The following EEF1A2 variants were observed in gnomAD, a reference collection of about 807,000 sequenced individuals.
EEF1A2 encodes the protein elongation factor 1-alpha 2.
In EEF1A2, 5 loss-of-function variants were observed where a neutral mutation model predicts 39.3. The ratio of observed to expected loss-of-function variants is 0.13; its 90% CI spans 0.07 to 0.27. The LOEUF (loss-of-function observed/expected upper bound fraction) is 0.27. Among genes scored for constraint, EEF1A2 ranks in the 10% least tolerant of loss-of-function variants. EEF1A2 has a pLI of 1.00. For synonymous variants in EEF1A2, 287 were observed against 293.7 expected (o/e 0.98, Z 0.23); for missense variants, 218 against 681.4 (o/e 0.32, Z 7.57).
intron 4 of EEF1A2, among the ~76,000 whole-genome samples, chr20:63,493,914 G>T (rs888871299): frequency 6.6e-6 from 1 of 152,258 alleles, no homozygotes; most frequent in Non-Finnish European, 1.5e-5. Flanking sequence ...GGGGAGTGCA[G>T]GGTCCCTGAT....
intron 4 of EEF1A2, among the ~76,000 whole-genome samples, chr20:63,494,396 G>A (rs557658828): frequency 1.1e-3 from 169 of 152,338 alleles, no homozygotes; most frequent in African/African-American, 4.0e-3. Flanking sequence ...CCCAGGGGAG[G>A]CAGCCAAGGA....
At chr20:63,490,301 G>A (rs918026662) in intron 6 of EEF1A2, 178 bp downstream of exon 6, 15 of 735,246 alleles carry the variant, frequency 2.0e-5, no homozygotes, top group Middle Eastern at 2.6e-4. Flanking sequence ...TCTTGACCTC[G>A]TGATCTGCCC....
chr20:63,495,795 C>T, intron 3 of EEF1A2, 61 bp downstream of exon 3: 1 of 1,580,768 alleles, frequency 6.3e-7, no homozygotes, highest in African/African-American at 1.3e-5. Flanking sequence ...CAGGGGCCCC[C>T]AGTGTCCCTT....
chr20:63,494,946 C>T lies in EEF1A2; in HGVS notation c.480G>A (p.Pro160=), dbSNP rs2274860. ...VGVNKMDSTE[P]AYSEKRYDEI... is the part of the protein sequence containing the mutation. ...CGTCGTAGCGCTTCTCGCTGTAGGC[C>T]GGCTCTGTGGAGTCCATTTTGTTCA... is the stretch of plus-strand genomic sequence containing the variant. Residue 160 remains proline (P), a synonymous_variant, in exon 4 of 8, where the codon CCG becomes CCA. Coordinates refer to ENST00000217182, the MANE Select transcript of EEF1A2 (RefSeq NM_001958.5). The T allele has an allele frequency of 0.13, 209,230 of 1,612,748 alleles. 17,013 individuals carry two copies. The highest frequency in any genetic ancestry group is 0.44 in the East Asian group (19,576 of 44,860).
In EEF1A2 at chr20:63,498,891, CCCCGGGCCCAG is replaced by C. The variant is rs1457831244; in HGVS notation, c.-72+156_-72+166del. On this transcript the variant is annotated intron_variant, in intron 1 of 7. Coordinates refer to ENST00000217182, the MANE Select transcript of EEF1A2 (RefSeq NM_001958.5). The surrounding 1 kb of genome is among the most constrained non-coding windows in gnomAD (Gnocchi z 4.1). ...CCCCGCCGCCCCGCGCCGCCCCCCA[CCCCGGGCCCAG>C]CCCGGCCGACGCGGGGACCCCCGGA... The C allele has an allele frequency of 6.7e-6, 1 of 149,944 alleles. No individual in the cohort carries two copies. Among genetic ancestry groups the C allele is most frequent in the Admixed American group, 6.6e-5 (1 of 15,080 alleles). 9.3% of individuals were successfully genotyped at this position (149,944 alleles called of 1,614,324 possible).
chr20:63,493,438 C>G (rs944675026), intron 4 of EEF1A2, 151 bp from the exon 5 acceptor site: 3 of 882,376 alleles, frequency 3.4e-6, no homozygotes, highest in African/African-American at 3.5e-5. Flanking sequence ...CTGCTCCTCC[C>G]CAGCCCATAG....
rs561671132 is a variant in EEF1A2, at chr20:63,490,691, G to A, written c.817C>T (p.Arg273Trp). 4 of 1,608,380 alleles carry A rather than the reference G, an allele frequency of 2.5e-6. No individual in the cohort carries two copies. The highest frequency in any genetic ancestry group is 2.2e-5 in the South Asian group (2 of 91,060). Reference sequence around the variant, plus strand: ...GCAAAGGTCACCACCATGCCCGGCCGCAGGATGCCGGTCTCCACCCGGCCC... The same window carrying A: ...GCAAAGGTCACCACCATGCCCGGCCACAGGATGCCGGTCTCCACCCGGCCC... ...PVGRVETGIL[R>W]PGMVVTFAPV... Residue 273 changes from arginine to tryptophan, a missense_variant, in exon 6 of 8, where the codon CGG becomes TGG. Physicochemically the swap from Arg to Trp is moderately radical, Grantham distance 101 (BLOSUM62 -3). Transcript: ENST00000217182.
At chr20:63,492,210 ATAAATG>A (rs2082387068) in intron 5 of EEF1A2, among the ~76,000 whole-genome samples, 2 of 1,662 alleles carry the variant, frequency 1.2e-3, no homozygotes, top group African/African-American at 2.6e-3. Context: ...GGATGGATGG[ATAAATG>A]GATGGATGGA....
At chr20:63,489,714 C>G (rs368839442) in intron 6 of EEF1A2, among the ~76,000 whole-genome samples, 1 of 151,842 alleles carries the variant, frequency 6.6e-6, no homozygotes, top group African/African-American at 2.4e-5. Context: ...ACCCGGGAGG[C>G]GGAGGTTGCA....
Position 63,488,307 on chromosome 20 carries a change from C to G in EEF1A2, c.1383G>C (p.Ala461=). ...VTKSAQKAQK[A]GK is the part of the protein sequence containing the mutation. Reference sequence around the variant, plus strand: ...CGCGGGCGCCCGCGCTTCACTTGCCCGCCTTCTGCGCCTTCTGCGCCGACT... The same window carrying G: ...CGCGGGCGCCCGCGCTTCACTTGCCGGCCTTCTGCGCCTTCTGCGCCGACT... The change falls in exon 8 of 8, where the codon GCG becomes GCC. Residue 461 remains alanine, a synonymous_variant. Transcript: ENST00000217182. The G allele has an allele frequency of 5.0e-6, 7 of 1,389,448 alleles. No individual in the cohort carries two copies. Among genetic ancestry groups the G allele is most frequent in the African/African-American group, 1.5e-5 (1 of 66,464 alleles). The allele number at this position is 1,389,448 out of a possible 1,614,324, so 86.1% of individuals were successfully genotyped here.
rs1469440292 is a variant in EEF1A2 at position 63,489,070 on chromosome 20, T to C, written c.1112A>G (p.Lys371Arg). ...IDCHTAHIAC[K>R]FAELKEKIDR... ...AATCTTCTCCTTCAGCTCCGCAAAC[T>C]TGCAGGCGATGTGGGCTGTGTGGCA... is the stretch of plus-strand genomic sequence containing the variant. The change falls in exon 7 of 8, where the codon AAG becomes AGG. Residue 371 changes from lysine (K) to arginine (R), a missense_variant. Lys to Arg is a conservative substitution (Grantham distance 26). Transcript: ENST00000217182. 1 of 1,612,786 alleles carries C rather than the reference T, an allele frequency of 6.2e-7. No homozygotes were observed. Among genetic ancestry groups the C allele is most frequent in the Admixed American group, 1.7e-5 (1 of 60,022 alleles).
At chr20:63,491,802 A>G (rs1047366359) in intron 5 of EEF1A2, among the ~76,000 whole-genome samples, 1 of 144,794 alleles carries the variant, frequency 6.9e-6, no homozygotes, top group Non-Finnish European at 1.5e-5. Context: ...GAGGAGGTAG[A>G]TGAGTGGATG....
rs310619 is a variant in EEF1A2 at position 63,496,168 on chromosome 20, G to A, written c.145-133C>T. On this transcript the variant is annotated intron_variant, in intron 2 of 7. Transcript: ENST00000217182. Reference sequence around the variant, plus strand: ...CTCCAGCACCCCCTTGCTCTCCGTCGGGGTCCTGGGACGCCGGCCCCCTCC... The same window carrying A: ...CTCCAGCACCCCCTTGCTCTCCGTCAGGGTCCTGGGACGCCGGCCCCCTCC... 0.39 allele frequency: 445,489 copies of A among 1,140,790 alleles called. 93,971 individuals are homozygous for A. Among genetic ancestry groups the A allele is most frequent in the African/African-American group, 0.7 (45,662 of 64,788 alleles). 70.7% of individuals were successfully genotyped at this position (1,140,790 alleles called of 1,614,324 possible). A position where few individuals can be genotyped will look rare whatever the true frequency, so the allele number is the denominator to read the frequency against.
In EEF1A2 at chr20:63,488,252, G is replaced by A; in HGVS notation, c.*46C>T. 4 of 990,150 alleles carry A rather than the reference G, an allele frequency of 4.0e-6. No individual in the cohort carries two copies. The highest frequency in any genetic ancestry group is 4.8e-6 in the Non-Finnish European group (4 of 834,790). The allele number at this position is 990,150 out of a possible 1,614,324, so 61.3% of individuals were successfully genotyped here. ...GGGCGGGGGCCCGGGCCCGGGGTTCGGAGCGCGGCACCGCCGGGGAGGGTC... is the reference window on the plus strand; with the variant it reads ...GGGCGGGGGCCCGGGCCCGGGGTTCAGAGCGCGGCACCGCCGGGGAGGGTC... On this transcript the variant is annotated 3_prime_UTR_variant, in exon 8 of 8. Transcript: ENST00000217182.
In EEF1A2 at chr20:63,497,413, C is replaced by T. The variant is rs889696261; in HGVS notation, c.144+207G>A. On this transcript the variant is annotated intron_variant, in intron 2 of 7. Coordinates refer to ENST00000217182, the MANE Select transcript of EEF1A2 (RefSeq NM_001958.5). The surrounding 1 kb of genome is among the most constrained non-coding windows in gnomAD (Gnocchi z 7.3). ...CAGGGCAAGTCCGGCAGCTCGATGG[C>T]CACCCCTCCCCCACCAAGCTCCCCC... 4.9e-5 allele frequency: 34 copies of T among 696,828 alleles called. No individual in the cohort carries two copies. Among genetic ancestry groups the T allele is most frequent in the Non-Finnish European group, 6.9e-5 (32 of 462,968 alleles). 43.2% of individuals were successfully genotyped at this position (696,828 alleles called of 1,614,324 possible). A position where few individuals can be genotyped will look rare whatever the true frequency, so the allele number is the denominator to read the frequency against.
rs369022379 is a variant in EEF1A2, at chr20:63,496,051, G to A, written c.145-16C>T. 175 of 1,611,956 alleles carry A rather than the reference G, an allele frequency of 1.1e-4. No homozygotes were observed. The highest frequency in any genetic ancestry group is 1.7e-4 in the Middle Eastern group (1 of 6,058). On this transcript the variant is annotated splice_polypyrimidine_tract_variant and intron_variant, in intron 2 of 7. Coordinates refer to ENST00000217182, the MANE Select transcript of EEF1A2 (RefSeq NM_001958.5). ...CCTTCCCCATCTGGAGCGGGTGAGG[G>A]TCACGGCTGAGGGCGGGACCCGGGA...
intron 4 of EEF1A2, 83 bp from the exon 5 acceptor site, chr20:63,493,370 G>A: frequency 7.0e-7 from 1 of 1,424,048 alleles, no homozygotes. Flanking sequence ...GCTTCCAGGA[G>A]TACTGCTGTT....
chr20:63,489,862 G>A (rs1200400835), intron 6 of EEF1A2, among the ~76,000 whole-genome samples: 1 of 152,228 alleles, frequency 6.6e-6, no homozygotes, highest in African/African-American at 2.4e-5. Context: ...GTATGACAGA[G>A]ATGTCTCAGA....
chr20:63,492,523 TGGATGGATGGAA>T lies in EEF1A2; in HGVS notation c.772+602_772+613del, dbSNP rs1213085603. Among the ~76,000 whole-genome samples the T allele has an allele frequency of 2.9e-4, 44 of 151,692 alleles. No homozygotes were observed. The East Asian group carries it at 4.7e-3, about 16-fold the overall frequency. ...AAGGATGGATGGGTGGGGAGGTGGA[TGGATGGATGGAA>T]GGATGGATGGATGGATAGAGAGAAG... On this transcript the variant is annotated intron_variant, in intron 5 of 7. Transcript: ENST00000217182.
Sources: gnomAD v4.1 joint callset for allele counts (sites outside exome capture counted in the v4.1 genomes callset) on GRCh38, gnomAD v4.1.1 for gene constraint, Gnocchi (gnomAD v3.1) non-coding constraint, MANE v1.5 for transcripts, NCBI Gene and HGNC (gene_info 2026-07-23, HGNC 2026-07-21) for gene names.